The following RIMS2 variants were observed in gnomAD, a reference collection of about 807,000 sequenced individuals.
RIMS2 encodes regulating synaptic membrane exocytosis 2.
RIMS2 carries 59 observed loss-of-function variants against 174.4 expected under a neutral mutation model. That is an observed-to-expected ratio of 0.34 (90% CI 0.27 to 0.42). The LOEUF is 0.42. RIMS2 is among the 10% of genes least tolerant of loss of function. The probability of loss-of-function intolerance (pLI) is 1.00; values close to 1 mark genes in which losing one functional copy is unlikely to be tolerated. For synonymous variants in RIMS2, 606 were observed against 572.5 expected, an observed-to-expected ratio of 1.06 and a Z score of -0.84; for missense variants, 1,620 against 1,666.3, an observed-to-expected ratio of 0.97 and a Z score of 0.48.
At chr8:104,004,644 G>A (rs2095509888) in intron 17 of RIMS2, among the ~76,000 whole-genome samples, 1 of 152,126 alleles carries the variant, frequency 6.6e-6, no homozygotes, top group South Asian at 2.1e-4. Context: ...CTTCGAGTAA[G>A]AAATATGTCC....
chr8:103,774,541 T>A (rs1362685632), intron 3 of RIMS2, among the ~76,000 whole-genome samples: 1 of 152,108 alleles, frequency 6.6e-6, no homozygotes, highest in Non-Finnish European at 1.5e-5. Context: ...AAAACATGGA[T>A]AAATCTCAAA....
At chr8:104,240,972 T>G (rs1036793759) in intron 19 of RIMS2, among the ~76,000 whole-genome samples, 1 of 152,094 alleles carries the variant, frequency 6.6e-6, no homozygotes, top group Non-Finnish European at 1.5e-5. Context: ...TCATTTCAGT[T>G]TGAGGAAACT....
At chr8:104,187,111 A>G (rs1324756327) in intron 19 of RIMS2, among the ~76,000 whole-genome samples, 2 of 151,856 alleles carry the variant, frequency 1.3e-5, no homozygotes, top group African/African-American at 4.8e-5. Context: ...TTGTCTTAGA[A>G]GCAGTCAACT....
At chr8:104,078,989 T>C (rs1279376202) in intron 19 of RIMS2, among the ~76,000 whole-genome samples, 1 of 152,168 alleles carries the variant, frequency 6.6e-6, no homozygotes, top group Non-Finnish European at 1.5e-5. Flanking sequence ...TTTAGATGTA[T>C]TTGTGAATTG....
chr8:103,609,870 T>A (rs1334734629), intron 1 of RIMS2, among the ~76,000 whole-genome samples: 2 of 152,226 alleles, frequency 1.3e-5, no homozygotes, highest in South Asian at 4.1e-4. Context: ...CTGTGAAGTA[T>A]GTCATTGGTA....
At chr8:103,972,976 G>A (rs1024806471) in intron 15 of RIMS2, among the ~76,000 whole-genome samples, 23 of 152,294 alleles carry the variant, frequency 1.5e-4, no homozygotes, top group African/African-American at 5.1e-4. Context: ...CAGTAGTCAT[G>A]TGTCTAGTGG....
chr8:103,693,703 C>CCAGT (rs1445452693), intron 1 of RIMS2, among the ~76,000 whole-genome samples: 2 of 152,148 alleles, frequency 1.3e-5, no homozygotes, highest in African/African-American at 4.8e-5. Context: ...GGAGACTGAA[C>CCAGT]CAGTGCCTGG....
At chr8:103,798,460 T>C (rs2098572570) in intron 3 of RIMS2, among the ~76,000 whole-genome samples, 4 of 152,150 alleles carry the variant, frequency 2.6e-5, no homozygotes, top group African/African-American at 9.7e-5. Context: ...GTATAGACAT[T>C]TCTATATTAT....
exon 24 of RIMS2, chr8:104,251,604 C>A (rs2099359464): frequency 6.3e-7 from 1 of 1,575,466 alleles, no homozygotes. Flanking sequence ...GCCAACAGAT[C>A]ATCGTCTGGG....
intron 1 of RIMS2, among the ~76,000 whole-genome samples, chr8:103,544,034 C>A (rs1417172109): frequency 6.6e-6 from 1 of 152,086 alleles, no homozygotes; most frequent in Non-Finnish European, 1.5e-5. Flanking sequence ...GAAGAGGCAA[C>A]CTACAGAGAA....
intron 17 of RIMS2, among the ~76,000 whole-genome samples, chr8:104,009,338 G>A (rs1451350380): frequency 6.6e-6 from 1 of 151,430 alleles, no homozygotes; most frequent in Non-Finnish European, 1.5e-5. Flanking sequence ...CTGTCACCCA[G>A]ACTGGAATGC....
chr8:103,534,457 T>C (rs1017079482), intron 1 of RIMS2, among the ~76,000 whole-genome samples: 2 of 152,212 alleles, frequency 1.3e-5, no homozygotes, highest in Non-Finnish European at 2.9e-5. Flanking sequence ...ATGTATAACA[T>C]GCTAAAAGGC....
chr8:103,824,418 A>G (rs897783092), intron 3 of RIMS2, among the ~76,000 whole-genome samples: 6 of 152,190 alleles, frequency 3.9e-5, no homozygotes, highest in Admixed American at 3.9e-4. Flanking sequence ...CATGGCCCCA[A>G]CAAAAGAATT....
chr8:103,983,910 G>A (rs965174524), intron 16 of RIMS2, among the ~76,000 whole-genome samples: 2 of 151,890 alleles, frequency 1.3e-5, no homozygotes, highest in Admixed American at 6.6e-5. Flanking sequence ...ACAGTGGCTC[G>A]CGCCTGTAAT....
chr8:103,768,657 T>TA (rs1410088524), intron 3 of RIMS2: 5 of 829,464 alleles, frequency 6.0e-6, no homozygotes, highest in Non-Finnish European at 1.1e-5. Flanking sequence ...GATTGACTGA[T>TA]ACTACGATGC....
intron 3 of RIMS2, among the ~76,000 whole-genome samples, chr8:103,878,182 T>C (rs1158550354): frequency 2.6e-5 from 4 of 151,906 alleles, no homozygotes; most frequent in Admixed American, 2.6e-4. Context: ...ACATGTCTTT[T>C]CTTCTCCTTC....
At chr8:104,176,112 C>G (rs891422695) in intron 19 of RIMS2, among the ~76,000 whole-genome samples, 1 of 152,102 alleles carries the variant, frequency 6.6e-6, no homozygotes, top group African/African-American at 2.4e-5. Flanking sequence ...ACCATTGTTT[C>G]ACAGTTTTAT....
intron 4 of RIMS2, among the ~76,000 whole-genome samples, chr8:103,887,191 C>T (rs765760503): frequency 1.1e-4 from 16 of 151,782 alleles, no homozygotes; most frequent in Admixed American, 3.3e-4. Context: ...TGTTTATCTG[C>T]ATTTGATATC....
At chr8:103,898,237 C>T (rs1363287762) in intron 4 of RIMS2, among the ~76,000 whole-genome samples, 1 of 151,502 alleles carries the variant, frequency 6.6e-6, no homozygotes, top group African/African-American at 2.4e-5. Flanking sequence ...ATATAGTGGA[C>T]CAATATGATG....
Sources: allele counts gnomAD v4.1 joint callset (sites outside exome capture counted in the v4.1 genomes callset), GRCh38; gene constraint gnomAD v4.1.1; transcripts MANE v1.5; gene names NCBI Gene and HGNC (gene_info 2026-07-23, HGNC 2026-07-21).